Variants in NXPH1 observed in about 807,000 individuals in gnomAD.
NXPH1 encodes neurexophilin 1.
NXPH1 carries 5 observed loss-of-function variants against 23.7 expected under a neutral mutation model. The ratio of observed to expected loss-of-function variants is 0.21; its 90% CI spans 0.11 to 0.44. The LOEUF (loss-of-function observed/expected upper bound fraction) is 0.44. Ranked by LOEUF, NXPH1 falls within the 20% of genes least tolerant of loss-of-function variation. The pLI, the probability that NXPH1 is intolerant of heterozygous loss-of-function variation, is 0.99. For missense variants in NXPH1, 324 were observed against 321.6 expected, an observed-to-expected ratio of 1.01 and a Z score of -0.06; for synonymous variants, 144 against 122.2, an observed-to-expected ratio of 1.18 and a Z score of -1.18.
At chr7:8,610,961 G>A (rs2128629472) in intron 2 of NXPH1, among the ~76,000 whole-genome samples, 1 of 152,210 alleles carries the variant, frequency 6.6e-6, no homozygotes, top group African/African-American at 2.4e-5. Context: ...AAGGGCCTAG[G>A]CAGCACTTAA....
chr7:8,558,443 C>A (rs1818394543), intron 2 of NXPH1, among the ~76,000 whole-genome samples: 1 of 151,476 alleles, frequency 6.6e-6, no homozygotes, highest in Non-Finnish European at 1.5e-5. Context: ...ACAGTAAAAT[C>A]GGCTTTTAAT....
intron 2 of NXPH1, among the ~76,000 whole-genome samples, chr7:8,466,038 A>G (rs1304581495): frequency 1.3e-5 from 2 of 152,222 alleles, no homozygotes; most frequent in Non-Finnish European, 2.9e-5. Flanking sequence ...CACTCAGGTC[A>G]TTCCTAATGA....
chr7:8,750,899 A>G, intron 2 of NXPH1, 109 bp from the exon 3 acceptor site: 1 of 1,138,138 alleles, frequency 8.8e-7, no homozygotes, highest in Non-Finnish European at 1.3e-6. Flanking sequence ...TGCTTTTAAA[A>G]AAAAGTGTAA....
At chr7:8,514,561 T>A (rs916057286) in intron 2 of NXPH1, among the ~76,000 whole-genome samples, 1 of 152,130 alleles carries the variant, frequency 6.6e-6, no homozygotes, top group Non-Finnish European at 1.5e-5. Context: ...TAGATAAAAC[T>A]TCATATCCCC....
At chr7:8,451,904 T>G (rs17148947) in intron 2 of NXPH1, among the ~76,000 whole-genome samples, 2,748 of 152,316 alleles carry the variant, frequency 0.018, 87 homozygotes, top group African/African-American at 0.063. Context: ...TTCAGGGTCC[T>G]CATGGACTTG....
chr7:8,654,548 C>A (rs76951978), intron 2 of NXPH1, among the ~76,000 whole-genome samples: 8,121 of 152,252 alleles, frequency 0.053, 399 homozygotes, highest in East Asian at 0.17. Context: ...GAAAACATAG[C>A]CCATCCCCAG....
At chr7:8,517,120 G>A (rs1278262779) in intron 2 of NXPH1, among the ~76,000 whole-genome samples, 3 of 152,160 alleles carry the variant, frequency 2.0e-5, no homozygotes, top group African/African-American at 7.2e-5. Flanking sequence ...AAAGAAGATA[G>A]ATGTAGCATT....
intron 2 of NXPH1, among the ~76,000 whole-genome samples, chr7:8,583,104 C>T (rs1818913355): frequency 1.3e-5 from 2 of 152,004 alleles, no homozygotes; most frequent in Non-Finnish European, 2.9e-5. Flanking sequence ...CAGATCCCAG[C>T]TGTGCTTAGG....
intron 2 of NXPH1, among the ~76,000 whole-genome samples, chr7:8,463,745 C>T (rs1816732539): frequency 6.6e-6 from 1 of 152,098 alleles, no homozygotes; most frequent in Non-Finnish European, 1.5e-5. Flanking sequence ...ACTGTTCATT[C>T]CCTTTTTGAG....
chr7:8,693,009 A>G (rs1361429128), intron 2 of NXPH1, among the ~76,000 whole-genome samples: 1 of 152,204 alleles, frequency 6.6e-6, no homozygotes, highest in Non-Finnish European at 1.5e-5. Flanking sequence ...TCTTGATTAA[A>G]TATTTAGAAG....
intron 2 of NXPH1, among the ~76,000 whole-genome samples, chr7:8,569,348 A>T (rs1818605968): frequency 6.6e-6 from 1 of 151,952 alleles, no homozygotes; most frequent in Non-Finnish European, 1.5e-5. Flanking sequence ...TAGGATTTAA[A>T]TTCAAATATG....
At chr7:8,510,903 C>G (rs1331165799) in intron 2 of NXPH1, among the ~76,000 whole-genome samples, 1 of 152,024 alleles carries the variant, frequency 6.6e-6, no homozygotes, top group Non-Finnish European at 1.5e-5. Flanking sequence ...CTTCTGAACC[C>G]TTCCATTGGA....
chr7:8,447,246 C>T (rs930766837), intron 2 of NXPH1, among the ~76,000 whole-genome samples: 4 of 152,178 alleles, frequency 2.6e-5, no homozygotes, highest in African/African-American at 9.7e-5. Flanking sequence ...CAACTTTACT[C>T]ACATATTTTT....
chr7:8,606,127 G>C (rs899648942), intron 2 of NXPH1, among the ~76,000 whole-genome samples: 12 of 152,040 alleles, frequency 7.9e-5, no homozygotes, highest in African/African-American at 2.9e-4. Flanking sequence ...CAGACAAGTT[G>C]ACCTTTTCAG....
chr7:8,552,930 T>C (rs28434094), intron 2 of NXPH1, among the ~76,000 whole-genome samples: 2,281 of 151,622 alleles, frequency 0.015, 51 homozygotes, highest in African/African-American at 0.053. Context: ...ACGTATGAAG[T>C]GTATTGAAAA....
intron 2 of NXPH1, among the ~76,000 whole-genome samples, chr7:8,570,099 C>G (rs933305199): frequency 6.6e-6 from 1 of 151,846 alleles, no homozygotes; most frequent in Non-Finnish European, 1.5e-5. Context: ...TGTGCCAGAA[C>G]CTGTGCAATA....
rs1171181200 is a variant in NXPH1, at chr7:8,752,768, A to G, written c.*999A>G. On this transcript the variant is annotated 3_prime_UTR_variant, in exon 3 of 3. Transcript: ENST00000405863. ...TTGTTATTGGTTAAGAAAAAAGGATATGAGGAATTCATTTTATCAATGTAG... is the reference window on the plus strand; with the variant it reads ...TTGTTATTGGTTAAGAAAAAAGGATGTGAGGAATTCATTTTATCAATGTAG... The G allele has an allele frequency of 6.6e-6, 1 of 152,596 alleles. No homozygotes were observed. The highest frequency in any genetic ancestry group is 6.6e-5 in the Admixed American group (1 of 15,256). The allele number at this position is 152,596 out of a possible 1,614,324, so 9.5% of individuals were successfully genotyped here. A position where few individuals can be genotyped will look rare whatever the true frequency, so the allele number is the denominator to read the frequency against.
At chr7:8,515,039 C>T (rs914263355) in intron 2 of NXPH1, among the ~76,000 whole-genome samples, 1 of 151,916 alleles carries the variant, frequency 6.6e-6, no homozygotes, top group Admixed American at 6.6e-5. Context: ...AAAGTGATGC[C>T]TGTGTGTATG....
At chr7:8,589,346 C>A (rs1043090916) in intron 2 of NXPH1, among the ~76,000 whole-genome samples, 5 of 152,034 alleles carry the variant, frequency 3.3e-5, no homozygotes, top group African/African-American at 1.2e-4. Context: ...AGCAAGACTT[C>A]TGAAAATTGT....
Sources: allele counts gnomAD v4.1 joint callset (sites outside exome capture counted in the v4.1 genomes callset), GRCh38; gene constraint gnomAD v4.1.1; transcripts MANE v1.5; gene names NCBI Gene and HGNC (gene_info 2026-07-23, HGNC 2026-07-21).